The following CDKN2B variants were observed in gnomAD, a reference collection of about 807,000 sequenced individuals.
CDKN2B encodes cyclin-dependent kinase 4 inhibitor B.
Under a neutral mutation model 7.7 loss-of-function variants are expected in CDKN2B, and 8 were observed. The ratio of observed to expected loss-of-function variants is 1.04; its 90% CI spans 0.61 to 1.87. CDKN2B has a LOEUF of 1.87. Ranked by LOEUF, CDKN2B falls within the 40% of genes most tolerant of loss-of-function variation. The pLI, the probability that CDKN2B is intolerant of heterozygous loss-of-function variation, is 0.00. For synonymous variants in CDKN2B, 93 were observed against 95.8 expected (o/e 0.97, Z 0.17); for missense variants, 244 against 213.1 (o/e 1.15, Z -0.90).
rs1821177663 is a variant in CDKN2B at position 22,006,195 on chromosome 9, G to A, written c.209C>T (p.Ala70Val). Residue 70 changes from alanine to valine, a missense_variant, in exon 2 of 2, where the codon GCG becomes GTG. Transcript: ENST00000276925. This position sits in a 1 kb window ranked among gnomAD's most constrained non-coding sequence, Gnocchi z 6.4. ...RVAELLLLHGAEPNCADPATL... is the reference protein window; with the variant it reads ...RVAELLLLHGVEPNCADPATL... ...GGCAGGGTCTGCGCAGTTGGGCTCC[G>A]CGCCGTGGAGCAGCAGCAGCTCCGC... 1.2e-6 allele frequency: 2 copies of A among 1,608,650 alleles called. No homozygotes were observed. The highest frequency in any genetic ancestry group is 1.7e-6 in the Non-Finnish European group (2 of 1,179,762).
chr9:22,009,204 A>G lies in CDKN2B; in HGVS notation c.-251T>C, dbSNP rs902922392. On this transcript the variant is annotated 5_prime_UTR_variant, in exon 1 of 2. Coordinates refer to ENST00000276925, the MANE Select transcript of CDKN2B (RefSeq NM_004936.4). ...CGGGCGCGCCTGGATTGCTTCTGGG[A>G]AAAAGCGCCTAGCGCGGACGCAGCC... is the stretch of plus-strand genomic sequence containing the variant. The G allele has an allele frequency of 4.8e-5, 29 of 609,318 alleles. No homozygotes were observed. The Middle Eastern group carries it at 1.8e-3, about 37-fold the overall frequency. The allele number at this position is 609,318 out of a possible 1,614,324, so 37.7% of individuals were successfully genotyped here.
chr9:22,003,966 A>G lies in CDKN2B; in HGVS notation c.*2021T>C, dbSNP rs971476756. 2.6e-5 allele frequency: 6 copies of G among 232,650 alleles called. No individual in the cohort carries two copies. The highest frequency in any genetic ancestry group is 1.3e-4 in the African/African-American group (6 of 45,302). 14.4% of individuals were successfully genotyped at this position (232,650 alleles called of 1,614,324 possible). Reference sequence around the variant, plus strand: ...CAATGGGAAGAAAAGCAAGACAACCATAATCAGCTGTGGAACTAGATGCAC... The same window carrying G: ...CAATGGGAAGAAAAGCAAGACAACCGTAATCAGCTGTGGAACTAGATGCAC... On this transcript the variant is annotated 3_prime_UTR_variant, in exon 2 of 2. Coordinates refer to ENST00000276925, the MANE Select transcript of CDKN2B (RefSeq NM_004936.4).
In CDKN2B at chr9:22,009,173, A is replaced by T. The variant is rs1821361683; in HGVS notation, c.-220T>A. 1.5e-6 allele frequency: 1 copy of T among 658,406 alleles called. No homozygotes were observed. Among genetic ancestry groups the T allele is most frequent in the Admixed American group, 2.9e-5 (1 of 34,564 alleles). The allele number at this position is 658,406 out of a possible 1,614,324, so 40.8% of individuals were successfully genotyped here. On this transcript the variant is annotated 5_prime_UTR_variant, in exon 1 of 2. Transcript: ENST00000276925. ...CTCCGGGCTTTTCCTGGCGCTCAAG[A>T]ACCAGCGGGCGCGCCTGGATTGCTT...
At chr9:22,007,558 CG>C (rs1377478515) in intron 1 of CDKN2B, among the ~76,000 whole-genome samples, 1 of 151,868 alleles carries the variant, frequency 6.6e-6, no homozygotes, top group Non-Finnish European at 1.5e-5. Context: ...TGTCTAAAAT[CG>C]AGTTATTTGT....
In CDKN2B at chr9:22,009,276, C is replaced by A; in HGVS notation, c.-323G>T. ...GCAGGGTGCGGACGCGTCGCGGAGT[C>A]CTCACTGCCCCGCCTCGCTCTGGCA... On this transcript the variant is annotated 5_prime_UTR_variant, in exon 1 of 2. Transcript: ENST00000276925. The A allele has an allele frequency of 2.0e-6, 1 of 499,318 alleles. No homozygotes were observed. Among genetic ancestry groups the A allele is most frequent in the Non-Finnish European group, 3.6e-6 (1 of 278,408 alleles). 30.9% of individuals were successfully genotyped at this position (499,318 alleles called of 1,614,324 possible).
rs1474279451 is a variant in CDKN2B at position 22,008,942 on chromosome 9, C to T, written c.12G>A (p.Glu4=). 1 of 1,613,050 alleles carries T rather than the reference C, an allele frequency of 6.2e-7. No homozygotes were observed. Among genetic ancestry groups the T allele is most frequent in the Non-Finnish European group, 8.5e-7 (1 of 1,179,954 alleles). MRE[E]NKGMPSGGGS... ...CGCCCCCACTGGGCATGCCCTTGTT[C>T]TCCTCGCGCATTCCGCAGCCCCCAG... The change falls in exon 1 of 2, where the codon GAG becomes GAA. Residue 4 remains glutamate, a synonymous_variant. Transcript: ENST00000276925.
At position 22,006,941 on chromosome 9, in the gene CDKN2B, GTT is replaced by G. The variant is rs200003797; in HGVS notation, c.157-696_157-695del. Among the ~76,000 whole-genome samples, 213 of 151,956 alleles carry G rather than the reference GTT, an allele frequency of 1.4e-3. 2 individuals are homozygous for G. The East Asian group carries it at 0.036, about 25-fold the overall frequency. On this transcript the variant is annotated intron_variant, in intron 1 of 1. Transcript: ENST00000276925. The surrounding 1 kb of genome is among the most constrained non-coding windows in gnomAD (Gnocchi z 6.4). ...TATAATAAATGATTTTTCCTTAACA[GTT>G]CATCATTTTAAATTTAGACTATAAT...
Position 22,006,755 on chromosome 9 carries a change from C to CTTT in CDKN2B, c.157-511_157-509dup, listed in dbSNP as rs202025879. Among the ~76,000 whole-genome samples the CTTT allele has an allele frequency of 2.0e-5, 3 of 148,060 alleles. No homozygotes were observed. Among genetic ancestry groups the CTTT allele is most frequent in the Non-Finnish European group, 4.5e-5 (3 of 66,708 alleles). ...AATAAACAACTAAGTTTTTTTCTTT[C>CTTT]TTTTTTTTTTAATTTATTTAGTTCT... is the stretch of plus-strand genomic sequence containing the variant. On this transcript the variant is annotated intron_variant, in intron 1 of 1. Coordinates refer to ENST00000276925, the MANE Select transcript of CDKN2B (RefSeq NM_004936.4). The surrounding 1 kb of genome is among the most constrained non-coding windows in gnomAD (Gnocchi z 6.4).
rs1171842455 is a variant in CDKN2B at position 22,009,227 on chromosome 9, G to T, written c.-274C>A. 6.9e-6 allele frequency: 4 copies of T among 580,680 alleles called. No homozygotes were observed. Among genetic ancestry groups the T allele is most frequent in the Non-Finnish European group, 1.2e-5 (4 of 325,524 alleles). 36.0% of individuals were successfully genotyped at this position (580,680 alleles called of 1,614,324 possible). On this transcript the variant is annotated 5_prime_UTR_variant, in exon 1 of 2. It adds an upstream start codon to the 5' untranslated region. Transcript: ENST00000276925. ...GGAAAAAGCGCCTAGCGCGGACGCA[G>T]CCGAGCTCAAAGCCGCTCTGGCCGC... is the stretch of plus-strand genomic sequence containing the variant.
rs377277689 is a variant in CDKN2B at position 22,004,369 on chromosome 9, C to T, written c.*1618G>A. ...ATCTGGTAGAATGAGCATTTAGAAG[C>T]ATAATACATGTATACACTTTGTGTT... On this transcript the variant is annotated 3_prime_UTR_variant, in exon 2 of 2. Coordinates refer to ENST00000276925, the MANE Select transcript of CDKN2B (RefSeq NM_004936.4). 8.6e-6 allele frequency: 2 copies of T among 231,946 alleles called. No individual in the cohort carries two copies. Among genetic ancestry groups the T allele is most frequent in the African/African-American group, 4.4e-5 (2 of 45,294 alleles). The allele number at this position is 231,946 out of a possible 1,614,324, so 14.4% of individuals were successfully genotyped here.
In CDKN2B at chr9:22,006,804, CTTT is replaced by C. The variant is rs1563915003; in HGVS notation, c.157-560_157-558del. Reference sequence around the variant, plus strand: ...CTCATAGCAAATCCCGTGCGGAAGGCTTTTGTTTGTCATGTGTCTGAGCTCATA... The same window carrying C: ...CTCATAGCAAATCCCGTGCGGAAGGCTGTTTGTCATGTGTCTGAGCTCATA... On this transcript the variant is annotated intron_variant, in intron 1 of 1. Transcript: ENST00000276925. This position sits in a 1 kb window ranked among gnomAD's most constrained non-coding sequence, Gnocchi z 6.4. Among the ~76,000 whole-genome samples the C allele has an allele frequency of 6.6e-6, 1 of 151,364 alleles. No individual in the cohort carries two copies.
chr9:22,008,684 AC>A, intron 1 of CDKN2B, 113 bp downstream of exon 1: 1 of 1,609,858 alleles, frequency 6.2e-7, no homozygotes, highest in African/African-American at 1.3e-5. Flanking sequence ...CCTCCGGCCA[AC>A]GGAGACTCCT....
chr9:22,005,350 T>C lies in CDKN2B; in HGVS notation c.*637A>G, dbSNP rs1821119397. ...TGCACATCCTCTCTTACCCCTCTGCTATCTGGTGGAGTTGGGCGAGGGTCT... is the reference window on the plus strand; with the variant it reads ...TGCACATCCTCTCTTACCCCTCTGCCATCTGGTGGAGTTGGGCGAGGGTCT... On this transcript the variant is annotated 3_prime_UTR_variant, in exon 2 of 2. Coordinates refer to ENST00000276925, the MANE Select transcript of CDKN2B (RefSeq NM_004936.4). This position sits in a 1 kb window ranked among gnomAD's most constrained non-coding sequence, Gnocchi z 4.9. 1 of 242,518 alleles carries C rather than the reference T, an allele frequency of 4.1e-6. No homozygotes were observed. Among genetic ancestry groups the C allele is most frequent in the Non-Finnish European group, 8.1e-6 (1 of 123,564 alleles). The allele number at this position is 242,518 out of a possible 1,614,324, so 15.0% of individuals were successfully genotyped here.
intron 1 of CDKN2B, 84 bp downstream of exon 1, chr9:22,008,714 G>C (rs1436238230): frequency 6.2e-7 from 1 of 1,611,550 alleles, no homozygotes; most frequent in South Asian, 1.1e-5. Flanking sequence ...CTACATCGGC[G>C]ATCTAGGTTC....
In CDKN2B at chr9:22,009,273, A is replaced by AC. The variant is rs1821370691; in HGVS notation, c.-321_-320insG. The AC allele has an allele frequency of 2.0e-6, 1 of 510,174 alleles. No homozygotes were observed. Among genetic ancestry groups the AC allele is most frequent in the Non-Finnish European group, 3.5e-6 (1 of 283,640 alleles). 31.6% of individuals were successfully genotyped at this position (510,174 alleles called of 1,614,324 possible). On this transcript the variant is annotated 5_prime_UTR_variant, in exon 1 of 2. Coordinates refer to ENST00000276925, the MANE Select transcript of CDKN2B (RefSeq NM_004936.4). ...GCCGCAGGGTGCGGACGCGTCGCGG[A>AC]GTCCTCACTGCCCCGCCTCGCTCTG...
rs966052799 is a variant in CDKN2B at position 22,005,803 on chromosome 9, CAAAG to C, written c.*180_*183del. ...GGTGAGTGTCGAGGGCCAGATAAGA[CAAAG>C]AAAAAAATGTATGGAAGGTTATTCC... On this transcript the variant is annotated 3_prime_UTR_variant, in exon 2 of 2. Coordinates refer to ENST00000276925, the MANE Select transcript of CDKN2B (RefSeq NM_004936.4). This position sits in a 1 kb window ranked among gnomAD's most constrained non-coding sequence, Gnocchi z 4.9. The C allele has an allele frequency of 8.0e-6, 6 of 748,612 alleles. No individual in the cohort carries two copies. In the African/African-American group the frequency reaches 1.0e-4, roughly 13 times the overall value. The allele number at this position is 748,612 out of a possible 1,614,324, so 46.4% of individuals were successfully genotyped here. A position where few individuals can be genotyped will look rare whatever the true frequency, so the allele number is the denominator to read the frequency against.
rs1402144979 is a variant in CDKN2B at position 22,005,895 on chromosome 9, TC to T, written c.*91del. On this transcript the variant is annotated 3_prime_UTR_variant, in exon 2 of 2. Coordinates refer to ENST00000276925, the MANE Select transcript of CDKN2B (RefSeq NM_004936.4). This position sits in a 1 kb window ranked among gnomAD's most constrained non-coding sequence, Gnocchi z 4.9. ...TGCAGGCTTACAGGCTTTCCGCCGC[TC>T]CCCGTTGGCAGCCTTCATCGAATTA... 44 of 1,514,960 alleles carry T rather than the reference TC, an allele frequency of 2.9e-5. No individual in the cohort carries two copies. The highest frequency in any genetic ancestry group is 3.9e-5 in the Non-Finnish European group (44 of 1,124,384). The allele number at this position is 1,514,960 out of a possible 1,614,324, so 93.8% of individuals were successfully genotyped here. A position where few individuals can be genotyped will look rare whatever the true frequency, so the allele number is the denominator to read the frequency against.
intron 1 of CDKN2B, 91 bp downstream of exon 1, chr9:22,008,707 C>G (rs372045410): frequency 6.2e-7 from 1 of 1,611,364 alleles, no homozygotes; most frequent in East Asian, 2.2e-5. Flanking sequence ...TACAAATCTA[C>G]ATCGGCGATC....
chr9:22,004,781 C>A lies in CDKN2B; in HGVS notation c.*1206G>T. ...GGAACTATCCCAAGATAATTTACTG[C>A]ATAAGTGCATCTATCTTCTAAAAGA... On this transcript the variant is annotated 3_prime_UTR_variant, in exon 2 of 2. Coordinates refer to ENST00000276925, the MANE Select transcript of CDKN2B (RefSeq NM_004936.4). 1 of 233,126 alleles carries A rather than the reference C, an allele frequency of 4.3e-6. No homozygotes were observed. Among genetic ancestry groups the A allele is most frequent in the Non-Finnish European group, 8.5e-6 (1 of 117,978 alleles). 14.4% of individuals were successfully genotyped at this position (233,126 alleles called of 1,614,324 possible).
Sources: allele counts gnomAD v4.1 joint callset (sites outside exome capture counted in the v4.1 genomes callset), GRCh38; gene constraint gnomAD v4.1.1; non-coding constraint Gnocchi (gnomAD v3.1); transcripts MANE v1.5; gene names NCBI Gene and HGNC (gene_info 2026-07-23, HGNC 2026-07-21).